Variants in HNRNPLL observed in about 807,000 individuals in gnomAD.
The protein encoded by HNRNPLL is heterogeneous nuclear ribonucleoprotein L-like.
In HNRNPLL, 25 loss-of-function variants were observed where a neutral mutation model predicts 67.1. The observed-to-expected ratio is 0.37, with a 90% confidence interval of 0.27 to 0.52. The LOEUF is 0.52. HNRNPLL is among the 20% of genes least tolerant of loss of function. HNRNPLL has a pLI of 0.90. For synonymous variants in HNRNPLL, 267 were observed against 241.7 expected, an observed-to-expected ratio of 1.10 and a Z score of -0.97; for missense variants, 542 against 673.9, an observed-to-expected ratio of 0.80 and a Z score of 2.17.
chr2:38,594,592 TA>T (rs1489589354), intron 1 of HNRNPLL, among the ~76,000 whole-genome samples: 1 of 152,176 alleles, frequency 6.6e-6, no homozygotes, highest in East Asian at 1.9e-4. Flanking sequence ...TTTTATATAA[TA>T]AAAAGTTGCA....
rs775433316 is a variant in HNRNPLL at position 38,602,834 on chromosome 2, G to C, written c.-208C>G. 4 of 1,548,898 alleles carry C rather than the reference G, an allele frequency of 2.6e-6. No homozygotes were observed. The highest frequency in any genetic ancestry group is 1.2e-5 in the South Asian group (1 of 83,914). ...GGGGGCGCCCCGGGAGGAAGCTCTG[G>C]AGCGGCCGCTCCTCTCAATTACCGA... is the stretch of plus-strand genomic sequence containing the variant. On this transcript the variant is annotated 5_prime_UTR_variant, in exon 1 of 13. Coordinates refer to ENST00000449105, the MANE Select transcript of HNRNPLL (RefSeq NM_138394.4).
At chr2:38,574,337 A>G (rs1045651704) in intron 7 of HNRNPLL, among the ~76,000 whole-genome samples, 2 of 151,898 alleles carry the variant, frequency 1.3e-5, no homozygotes, top group African/African-American at 4.8e-5. Flanking sequence ...GCAGCAACTA[A>G]GATGGAGACA....
chr2:38,591,523 T>C lies in HNRNPLL; in HGVS notation c.308+7A>G. 6.9e-7 allele frequency: 1 copy of C among 1,441,362 alleles called. No homozygotes were observed. The highest frequency in any genetic ancestry group is 1.1e-5 in the South Asian group (1 of 87,520). The allele number at this position is 1,441,362 out of a possible 1,614,324, so 89.3% of individuals were successfully genotyped here. ...TTCAATCTACATGAAGTCCCTATCA[T>C]CCTTACCATATTGTCCCAAATTTTT... On this transcript the variant is annotated splice_region_variant and intron_variant, in intron 2 of 12. Coordinates refer to ENST00000449105, the MANE Select transcript of HNRNPLL (RefSeq NM_138394.4).
chr2:38,602,670 G>C lies in HNRNPLL; in HGVS notation c.-44C>G. 6.9e-6 allele frequency: 10 copies of C among 1,442,968 alleles called. No individual in the cohort carries two copies. Among genetic ancestry groups the C allele is most frequent in the Non-Finnish European group, 8.2e-6 (9 of 1,104,224 alleles). 89.4% of individuals were successfully genotyped at this position (1,442,968 alleles called of 1,614,324 possible). A position where few individuals can be genotyped will look rare whatever the true frequency, so the allele number is the denominator to read the frequency against. ...CGGCTGGCAGGCGGGTGGGGGTGGC[G>C]GTGGGGCGCGCGCCTCGGATGCCGC... On this transcript the variant is annotated 5_prime_UTR_variant, in exon 1 of 13. Transcript: ENST00000449105.
intron 1 of HNRNPLL, among the ~76,000 whole-genome samples, chr2:38,598,809 CCTA>C (rs2148391462): frequency 6.6e-6 from 1 of 152,288 alleles, no homozygotes; most frequent in East Asian, 1.9e-4. Flanking sequence ...GATGGTAAAA[CCTA>C]CTACTTTTCA....
At chr2:38,569,435 CA>C (rs1573722036) in intron 9 of HNRNPLL, 101 bp from the exon 10 acceptor site, 15 of 736,224 alleles carry the variant, frequency 2.0e-5, no homozygotes, top group Admixed American at 2.6e-5. Context: ...AAATCTTAAC[CA>C]AAAAAAGGCA....
intron 1 of HNRNPLL, among the ~76,000 whole-genome samples, chr2:38,592,988 T>A: frequency 6.6e-6 from 1 of 152,232 alleles, no homozygotes; most frequent in Non-Finnish European, 1.5e-5. Flanking sequence ...TGGAGTGCCC[T>A]GCCAGTAAAA....
intron 1 of HNRNPLL, among the ~76,000 whole-genome samples, chr2:38,593,756 C>T (rs1004061521): frequency 3.3e-5 from 5 of 151,678 alleles, no homozygotes; most frequent in Admixed American, 6.6e-5. Context: ...TCCACCTACT[C>T]GGGAGGCTGA....
rs1667506074 is a variant in HNRNPLL at position 38,602,769 on chromosome 2, G to A, written c.-143C>T. On this transcript the variant is annotated 5_prime_UTR_variant, in exon 1 of 13. Transcript: ENST00000449105. ...GCCCGGCCGTCCGCGGGGACTGCGC[G>A]GCCAGGAGACTGGCGGCTGAGAAGC... 7.2e-6 allele frequency: 11 copies of A among 1,523,550 alleles called. No individual in the cohort carries two copies. Among genetic ancestry groups the A allele is most frequent in the African/African-American group, 1.4e-5 (1 of 69,640 alleles). 94.4% of individuals were successfully genotyped at this position (1,523,550 alleles called of 1,614,324 possible).
intron 12 of HNRNPLL, among the ~76,000 whole-genome samples, chr2:38,567,164 C>T (rs377642408): frequency 6.6e-6 from 1 of 152,142 alleles, no homozygotes; most frequent in Non-Finnish European, 1.5e-5. Context: ...AGGGCAATGG[C>T]GTGATCTCGT....
At chr2:38,578,218 T>C (rs1481349237) in intron 6 of HNRNPLL, among the ~76,000 whole-genome samples, 1 of 152,038 alleles carries the variant, frequency 6.6e-6, no homozygotes, top group Non-Finnish European at 1.5e-5. Context: ...GGGGGCTACA[T>C]TATTGGATGA....
chr2:38,583,328 G>C (rs1417381928), intron 4 of HNRNPLL, among the ~76,000 whole-genome samples: 1 of 152,142 alleles, frequency 6.6e-6, no homozygotes, highest in African/African-American at 2.4e-5. Flanking sequence ...GCACACGTAG[G>C]TTGGGGTTTT....
At chr2:38,568,334 T>C in intron 11 of HNRNPLL, 37 bp from the exon 12 acceptor site, 1 of 1,603,660 alleles carries the variant, frequency 6.2e-7, no homozygotes, top group Admixed American at 1.7e-5. Flanking sequence ...TATTATTACT[T>C]GCTTATCACC....
At chr2:38,570,050 A>C in intron 8 of HNRNPLL, 125 bp from the exon 9 acceptor site, 1 of 663,166 alleles carries the variant, frequency 1.5e-6, no homozygotes, top group East Asian at 2.7e-5. Flanking sequence ...TTTTAACTAT[A>C]CTCTGCCATG....
At chr2:38,579,883 A>C (rs1370898383) in intron 6 of HNRNPLL, among the ~76,000 whole-genome samples, 2 of 152,198 alleles carry the variant, frequency 1.3e-5, no homozygotes, top group Non-Finnish European at 2.9e-5. Context: ...TCGCAAGACA[A>C]ATATCTGTAA....
Position 38,602,651 on chromosome 2 carries a change from G to A in HNRNPLL, c.-25C>T. 1.3e-6 allele frequency: 2 copies of A among 1,483,918 alleles called. No individual in the cohort carries two copies. The highest frequency in any genetic ancestry group is 2.9e-5 in the East Asian group (1 of 35,000). The allele number at this position is 1,483,918 out of a possible 1,614,324, so 91.9% of individuals were successfully genotyped here. A position where few individuals can be genotyped will look rare whatever the true frequency, so the allele number is the denominator to read the frequency against. On this transcript the variant is annotated 5_prime_UTR_variant, in exon 1 of 13. Coordinates refer to ENST00000449105, the MANE Select transcript of HNRNPLL (RefSeq NM_138394.4). ...TGGCGGCGGCCGGAGGGACCGGCTG[G>A]CAGGCGGGTGGGGGTGGCGGTGGGG...
chr2:38,597,645 A>G (rs1008863722), intron 1 of HNRNPLL, among the ~76,000 whole-genome samples: 1 of 152,088 alleles, frequency 6.6e-6, no homozygotes, highest in African/African-American at 2.4e-5. Context: ...CACATAACAG[A>G]GCAAAGATGT....
At chr2:38,565,465 G>C (rs1665820912) in intron 12 of HNRNPLL, among the ~76,000 whole-genome samples, 1 of 151,984 alleles carries the variant, frequency 6.6e-6, no homozygotes, top group Non-Finnish European at 1.5e-5. Flanking sequence ...CAGCAACTTG[G>C]GAGGCTGAGG....
intron 7 of HNRNPLL, among the ~76,000 whole-genome samples, chr2:38,575,127 C>T (rs367603484): frequency 1.3e-5 from 2 of 151,696 alleles, no homozygotes; most frequent in Non-Finnish European, 3.0e-5. Flanking sequence ...TAAGTAACAA[C>T]CAAAATCAGT....
Sources: allele counts gnomAD v4.1 joint callset (sites outside exome capture counted in the v4.1 genomes callset), GRCh38; gene constraint gnomAD v4.1.1; transcripts MANE v1.5; gene names NCBI Gene and HGNC (gene_info 2026-07-23, HGNC 2026-07-21).